Variants in NEGR1 observed in about 807,000 individuals in gnomAD.
NEGR1 encodes the protein neuronal growth regulator 1, also known as IgLON family member 4.
A neutral mutation model predicts 40.9 loss-of-function variants in NEGR1; 10 were observed. The ratio of observed to expected loss-of-function variants is 0.24; its 90% CI spans 0.15 to 0.42. The LOEUF (loss-of-function observed/expected upper bound fraction) is 0.42. Ranked by LOEUF, NEGR1 falls within the 10% of genes least tolerant of loss-of-function variation. The pLI is 1.00. For synonymous variants in NEGR1, 185 were observed against 166.8 expected, an observed-to-expected ratio of 1.11 and a Z score of -0.84; for missense variants, 352 against 438.9, an observed-to-expected ratio of 0.80 and a Z score of 1.77.
chr1:71,550,384 G>T (rs1648036437), intron 6 of NEGR1, among the ~76,000 whole-genome samples: 1 of 151,554 alleles, frequency 6.6e-6, no homozygotes, highest in Non-Finnish European at 1.5e-5. Flanking sequence ...CCATTTCCTG[G>T]AAGCAGCATT....
chr1:71,825,906 A>G (rs1016870954), intron 2 of NEGR1, among the ~76,000 whole-genome samples: 7 of 151,934 alleles, frequency 4.6e-5, no homozygotes, highest in Non-Finnish European at 8.8e-5. Flanking sequence ...TATTTAGCCT[A>G]TCATTCACTT....
At chr1:72,003,731 T>G (rs1333095314) in intron 1 of NEGR1, among the ~76,000 whole-genome samples, 1 of 152,102 alleles carries the variant, frequency 6.6e-6, no homozygotes, top group African/African-American at 2.4e-5. Context: ...GAAAAAGCAC[T>G]TTGATAGGAA....
At chr1:71,709,142 C>G (rs1296302406) in intron 3 of NEGR1, among the ~76,000 whole-genome samples, 1 of 152,108 alleles carries the variant, frequency 6.6e-6, no homozygotes, top group Non-Finnish European at 1.5e-5. Flanking sequence ...AAATGTATTT[C>G]TGGTTCTAGG....
chr1:71,756,944 T>C (rs1655764262), intron 3 of NEGR1, among the ~76,000 whole-genome samples: 1 of 152,072 alleles, frequency 6.6e-6, no homozygotes, highest in Non-Finnish European at 1.5e-5. Context: ...GAGGGCAAGT[T>C]CTCAAGACTT....
intron 6 of NEGR1, among the ~76,000 whole-genome samples, chr1:71,486,235 T>A (rs546502914): frequency 6.6e-6 from 1 of 151,806 alleles, no homozygotes; most frequent in African/African-American, 2.4e-5. Flanking sequence ...TTATTTGACA[T>A]GGTATATTTT....
chr1:71,983,556 A>G (rs1646371292), intron 1 of NEGR1, among the ~76,000 whole-genome samples: 7 of 152,204 alleles, frequency 4.6e-5, no homozygotes, highest in Admixed American at 4.6e-4. Flanking sequence ...CAGGGGCTTG[A>G]ACTTCAGTAA....
intron 1 of NEGR1, among the ~76,000 whole-genome samples, chr1:72,028,899 A>C (rs115539155): frequency 5.1e-4 from 78 of 152,288 alleles, no homozygotes; most frequent in African/African-American, 1.8e-3. Context: ...TCCCTAACTC[A>C]GGGCTTGATG....
chr1:71,897,659 A>T (rs1357630590), intron 2 of NEGR1, among the ~76,000 whole-genome samples: 1 of 152,226 alleles, frequency 6.6e-6, no homozygotes, highest in African/African-American at 2.4e-5. Context: ...CCTAGTGTGA[A>T]AATTTGCTAA....
At chr1:72,275,506 A>T (rs1026326912) in intron 1 of NEGR1, among the ~76,000 whole-genome samples, 2 of 152,122 alleles carry the variant, frequency 1.3e-5, no homozygotes, top group African/African-American at 4.8e-5. Flanking sequence ...TTATTTTTTT[A>T]TATGCACAGA....
intron 4 of NEGR1, among the ~76,000 whole-genome samples, chr1:71,625,318 G>C (rs929553671): frequency 2.0e-5 from 3 of 151,156 alleles, no homozygotes; most frequent in Non-Finnish European, 4.4e-5. Flanking sequence ...ACACACAATT[G>C]ACCTTTTGTA....
intron 4 of NEGR1, among the ~76,000 whole-genome samples, chr1:71,648,045 A>G (rs541776470): frequency 2.6e-5 from 4 of 152,154 alleles, no homozygotes; most frequent in East Asian, 3.9e-4. Context: ...AATATTTAAT[A>G]TATCCTACTA....
At chr1:71,678,647 T>C (rs1165089111) in intron 4 of NEGR1, among the ~76,000 whole-genome samples, 1 of 152,096 alleles carries the variant, frequency 6.6e-6, no homozygotes, top group Non-Finnish European at 1.5e-5. Context: ...ATAAACAGGC[T>C]ATCAGGAATG....
At chr1:71,995,410 G>T (rs2100367683) in intron 1 of NEGR1, among the ~76,000 whole-genome samples, 1 of 152,072 alleles carries the variant, frequency 6.6e-6, no homozygotes. Flanking sequence ...CATGTATAGG[G>T]AGCCACTATC....
At chr1:71,604,847 T>C (rs1022718095) in intron 5 of NEGR1, among the ~76,000 whole-genome samples, 1 of 152,206 alleles carries the variant, frequency 6.6e-6, no homozygotes, top group Non-Finnish European at 1.5e-5. Context: ...AGCAGTGTTA[T>C]AAGGAATGAC....
intron 1 of NEGR1, among the ~76,000 whole-genome samples, chr1:72,202,246 A>G (rs1653244450): frequency 6.6e-6 from 1 of 151,906 alleles, no homozygotes; most frequent in African/African-American, 2.4e-5. Flanking sequence ...TCCACTTATC[A>G]GCCATTCCTC....
chr1:72,035,189 C>A (rs1420067422), intron 1 of NEGR1, among the ~76,000 whole-genome samples: 1 of 152,162 alleles, frequency 6.6e-6, no homozygotes, highest in East Asian at 1.9e-4. Context: ...AAATCGATTG[C>A]ATTCTGCCGC....
intron 2 of NEGR1, among the ~76,000 whole-genome samples, chr1:71,927,599 C>T (rs1316396073): frequency 6.6e-6 from 1 of 151,798 alleles, no homozygotes; most frequent in East Asian, 1.9e-4. Context: ...AGATATCAGA[C>T]CATTGTCTCT....
At chr1:72,001,823 C>T (rs1646559825) in intron 1 of NEGR1, among the ~76,000 whole-genome samples, 3 of 151,762 alleles carry the variant, frequency 2.0e-5, no homozygotes, top group Admixed American at 2.0e-4. Flanking sequence ...CTAGAGGCTA[C>T]CCTAAAATAA....
At chr1:71,608,958 T>C (rs1400439074) in intron 5 of NEGR1, among the ~76,000 whole-genome samples, 1 of 152,154 alleles carries the variant, frequency 6.6e-6, no homozygotes, top group Admixed American at 6.5e-5. Flanking sequence ...CTGAAACTTC[T>C]CAACCTAGGT....
Sources: allele counts gnomAD v4.1 joint callset (sites outside exome capture counted in the v4.1 genomes callset), GRCh38; gene constraint gnomAD v4.1.1; transcripts MANE v1.5; gene names NCBI Gene and HGNC (gene_info 2026-07-23, HGNC 2026-07-21).